The following SATB2 variants were observed in gnomAD, a reference collection of about 807,000 sequenced individuals.
SATB2 encodes the protein DNA-binding protein SATB2.
In SATB2, 1 loss-of-function variant was observed where a neutral mutation model predicts 73.4. The observed-to-expected ratio is 0.01, with a 90% CI of 0.00 to 0.06. The LOEUF is 0.06. SATB2 is among the 10% of genes least tolerant of loss of function. The pLI is 1.00. For missense variants in SATB2, 459 were observed against 945.8 expected, an observed-to-expected ratio of 0.49 and a Z score of 6.75; for synonymous variants, 397 against 367.0, an observed-to-expected ratio of 1.08 and a Z score of -0.93.
At chr2:199,466,624 C>A (rs769045659), upstream of SATB2, among the ~76,000 whole-genome samples, 2 of 152,222 alleles carry the variant, frequency 1.3e-5, no homozygotes, top group Admixed American at 6.5e-5. Flanking sequence ...CTCCCCCAAA[C>A]AACCTGTGGT....
intron 5 of SATB2, among the ~76,000 whole-genome samples, chr2:199,378,497 T>C (rs929865059): frequency 6.6e-6 from 1 of 152,220 alleles, no homozygotes; most frequent in East Asian, 1.9e-4. Flanking sequence ...TCTACATACA[T>C]ACCTACAGGT....
At chr2:199,459,808 G>A (rs1231166178), upstream of SATB2, 2 of 150,550 alleles carry the variant, frequency 1.3e-5, no homozygotes, top group African/African-American at 4.9e-5. The surrounding 1 kb of genome is among the most constrained non-coding windows in gnomAD (Gnocchi z 4.2). Flanking sequence ...GCGAAAAGCT[G>A]AGTCCGCCGA....
chr2:199,429,420 T>G (rs1296672048), intron 3 of SATB2, among the ~76,000 whole-genome samples: 3 of 152,172 alleles, frequency 2.0e-5, no homozygotes, highest in Non-Finnish European at 4.4e-5. Context: ...CCCTGCTTGA[T>G]TCACATAACA....
At chr2:199,291,615 T>C (rs971473544) in intron 10 of SATB2, among the ~76,000 whole-genome samples, 6 of 152,128 alleles carry the variant, frequency 3.9e-5, no homozygotes, top group African/African-American at 1.2e-4. Context: ...TATTATCATA[T>C]TAAAACACTT....
intron 7 of SATB2, among the ~76,000 whole-genome samples, chr2:199,342,164 C>G (rs894176751): frequency 6.6e-6 from 1 of 151,936 alleles, no homozygotes; most frequent in Admixed American, 6.6e-5. Flanking sequence ...AACCATGGGC[C>G]GGGGAGCGGG....
At chr2:199,438,917 G>C (rs561222671) in intron 2 of SATB2, among the ~76,000 whole-genome samples, 3 of 152,308 alleles carry the variant, frequency 2.0e-5, no homozygotes, top group African/African-American at 7.2e-5. Flanking sequence ...AATAGTTCAG[G>C]TTATCCAGCT....
intron 6 of SATB2, among the ~76,000 whole-genome samples, chr2:199,363,778 G>A (rs759974838): frequency 1.2e-4 from 18 of 152,096 alleles, no homozygotes; most frequent in Non-Finnish European, 1.9e-4. Context: ...TATAAAATAC[G>A]TAAGTAAATA....
In SATB2 at chr2:199,397,880, A is replaced by T. The variant is rs535500969; in HGVS notation, c.347-16060T>A. On this transcript the variant is annotated intron_variant, in intron 3 of 10. Coordinates refer to ENST00000417098, the MANE Select transcript of SATB2 (RefSeq NM_001172509.2). ...GAGACTGTCTCAAAAACAAACAAAC[A>T]AACAAAACAGAAAGATATTTGAAAG... 9 of 297,850 alleles carry T rather than the reference A, an allele frequency of 3.0e-5. No homozygotes were observed. In the Admixed American group the frequency reaches 4.0e-4, roughly 13 times the overall value. The allele number at this position is 297,850 out of a possible 1,614,324, so 18.5% of individuals were successfully genotyped here. A position where few individuals can be genotyped will look rare whatever the true frequency, so the allele number is the denominator to read the frequency against.
At chr2:199,454,465 A>G (rs1444364774) in intron 2 of SATB2, among the ~76,000 whole-genome samples, 1 of 152,164 alleles carries the variant, frequency 6.6e-6, no homozygotes, top group Non-Finnish European at 1.5e-5. Flanking sequence ...AAAGTCTGAC[A>G]TTATTTGCTC....
rs1559175031 is a variant in SATB2 at position 199,348,900 on chromosome 2, C to T, written c.974G>A (p.Arg325Gln). ...HLINQQIAVS[R>Q]LLAHQHPQAI... Reference sequence around the variant, plus strand: ...TTGAGGATGCTGGTGAGCCAGGAGCCGGCTAACGGCAATCTGTTGGTTTAT... The same window carrying T: ...TTGAGGATGCTGGTGAGCCAGGAGCTGGCTAACGGCAATCTGTTGGTTTAT... The change falls in exon 7 of 11, where the codon CGG becomes CAG. Residue 325 changes from arginine (R) to glutamine (Q), a missense_variant. Physicochemically the swap from Arg to Gln is conservative, Grantham distance 43. Coordinates refer to ENST00000417098, the MANE Select transcript of SATB2 (RefSeq NM_001172509.2). 2.5e-6 allele frequency: 4 copies of T among 1,614,072 alleles called. No individual in the cohort carries two copies. The highest frequency in any genetic ancestry group is 2.5e-6 in the Non-Finnish European group (3 of 1,180,000).
chr2:199,300,219 G>T (rs1687241065), intron 10 of SATB2, among the ~76,000 whole-genome samples: 1 of 151,718 alleles, frequency 6.6e-6, no homozygotes, highest in South Asian at 2.1e-4. Flanking sequence ...GAAGCGGAAG[G>T]GGAAGGAGAA....
At chr2:199,378,840 C>T (rs901279126) in intron 5 of SATB2, among the ~76,000 whole-genome samples, 1 of 152,104 alleles carries the variant, frequency 6.6e-6, no homozygotes, top group Admixed American at 6.5e-5. Context: ...GTTTTACTAA[C>T]CAAACAAGGG....
upstream of SATB2, chr2:199,460,432 A>G (rs1236769516): frequency 6.6e-6 from 1 of 152,322 alleles, no homozygotes; most frequent in African/African-American, 2.4e-5. This position sits in a 1 kb window ranked among gnomAD's most constrained non-coding sequence, Gnocchi z 4.0. Context: ...CAACGATAAC[A>G]ATGCTGTATC....
chr2:199,278,787 T>C (rs1692394119), intron 10 of SATB2, among the ~76,000 whole-genome samples: 2 of 152,366 alleles, frequency 1.3e-5, no homozygotes, highest in Non-Finnish European at 1.5e-5. Flanking sequence ...CTGGCACTTC[T>C]ACCCTCAAAA....
chr2:199,408,890 G>A (rs1690720401), intron 3 of SATB2, among the ~76,000 whole-genome samples: 1 of 152,176 alleles, frequency 6.6e-6, no homozygotes, highest in South Asian at 2.1e-4. Context: ...GCTGGATCAA[G>A]CTCTACCAGG....
At chr2:199,344,505 G>A (rs1688595001) in intron 7 of SATB2, among the ~76,000 whole-genome samples, 1 of 152,160 alleles carries the variant, frequency 6.6e-6, no homozygotes, top group Non-Finnish European at 1.5e-5. Flanking sequence ...TTCAAGTGAT[G>A]TTAACAGACT....
At position 199,422,575 on chromosome 2, in the gene SATB2, T is replaced by C. The variant is rs1691205005; in HGVS notation, c.346+10763A>G. The stretch of plus-strand genomic sequence containing the variant: ...TTATGCCTGTAAGGTATAATTACTA[T>C]TCACTTGGATTCTAGACTCAATTGA... On this transcript the variant is annotated intron_variant, in intron 3 of 10. Coordinates refer to ENST00000417098, the MANE Select transcript of SATB2 (RefSeq NM_001172509.2). Among the ~76,000 whole-genome samples, 2 of 152,192 alleles carry C rather than the reference T, an allele frequency of 1.3e-5. 1 individual carries two copies. Among genetic ancestry groups the C allele is most frequent in the South Asian group, 4.1e-4 (2 of 4,836 alleles).
upstream of SATB2, chr2:199,458,594 G>A: frequency 2.3e-6 from 1 of 432,182 alleles, no homozygotes. Flanking sequence ...ACTCGTCCCG[G>A]CGCGGAGGCG....
At chr2:199,421,924 T>C (rs1437220744) in intron 3 of SATB2, among the ~76,000 whole-genome samples, 1 of 152,206 alleles carries the variant, frequency 6.6e-6, no homozygotes, top group Non-Finnish European at 1.5e-5. Flanking sequence ...TGCACATAAA[T>C]GTTGACGTAA....
Sources: gnomAD v4.1 joint callset for allele counts (sites outside exome capture counted in the v4.1 genomes callset) on GRCh38, gnomAD v4.1.1 for gene constraint, Gnocchi (gnomAD v3.1) non-coding constraint, MANE v1.5 for transcripts, NCBI Gene and HGNC (gene_info 2026-07-23, HGNC 2026-07-21) for gene names.